ARNT2: variants seen among roughly 807,000 people sequenced by gnomAD.
ARNT2 encodes the protein aryl hydrocarbon receptor nuclear translocator 2.
ARNT2 carries 36 observed loss-of-function variants against 91.7 expected under a neutral mutation model. That is an observed-to-expected ratio of 0.39 (90% CI 0.30 to 0.52). The LOEUF (loss-of-function observed/expected upper bound fraction) is 0.52. Among genes scored for constraint, ARNT2 ranks in the 20% least tolerant of loss-of-function variants. The pLI, the probability that ARNT2 is intolerant of heterozygous loss-of-function variation, is 0.72. For missense variants in ARNT2, 775 were observed against 939.3 expected (o/e 0.83, Z 2.29); for synonymous variants, 365 against 347.1 (o/e 1.05, Z -0.57).
chr15:80,554,749 TA>T (rs1233314783), intron 10 of ARNT2: 1 of 226,324 alleles, frequency 4.4e-6, no homozygotes, highest in Non-Finnish European at 8.8e-6. Context: ...TTTATGTTAT[TA>T]AAGTATGTTT....
intron 1 of ARNT2, among the ~76,000 whole-genome samples, chr15:80,406,435 A>G (rs573501278): frequency 5.5e-4 from 84 of 152,384 alleles, no homozygotes; most frequent in African/African-American, 1.8e-3. Flanking sequence ...ATGTTATGAA[A>G]TTAGAAAAAG....
chr15:80,586,541 A>G (rs978308338), intron 17 of ARNT2, among the ~76,000 whole-genome samples: 1 of 152,170 alleles, frequency 6.6e-6, no homozygotes, highest in African/African-American at 2.4e-5. Flanking sequence ...CACCTAGCCC[A>G]TACTCACTTT....
chr15:80,582,405 AG>A (rs1473843255), intron 17 of ARNT2, among the ~76,000 whole-genome samples: 2 of 151,428 alleles, frequency 1.3e-5, no homozygotes, highest in Non-Finnish European at 1.5e-5. Flanking sequence ...CTAAGGTGGG[AG>A]GATCATTTGA....
intron 1 of ARNT2, among the ~76,000 whole-genome samples, chr15:80,433,434 C>T (rs1166265929): frequency 6.6e-6 from 1 of 151,758 alleles, no homozygotes; most frequent in African/African-American, 2.4e-5. Context: ...TACAGGTGCA[C>T]ACCACCACGC....
intron 5 of ARNT2, among the ~76,000 whole-genome samples, chr15:80,476,352 C>T (rs1281287406): frequency 6.6e-6 from 1 of 152,166 alleles, no homozygotes; most frequent in African/African-American, 2.4e-5. Flanking sequence ...CTAGGCACAA[C>T]CTTTCTATGT....
At chr15:80,548,524 T>C (rs1898027576) in intron 8 of ARNT2, among the ~76,000 whole-genome samples, 2 of 152,088 alleles carry the variant, frequency 1.3e-5, no homozygotes, top group Non-Finnish European at 2.9e-5. Flanking sequence ...ATATTACACC[T>C]GGAAAAGCCT....
At position 80,529,838 on chromosome 15, in the gene ARNT2, A is replaced by G. The variant is rs79591364; in HGVS notation, c.877+15433A>G. On this transcript the variant is annotated intron_variant, in intron 8 of 18. Coordinates refer to ENST00000303329, the MANE Select transcript of ARNT2 (RefSeq NM_014862.4). ...CTCCAAAATCTTGGAGAATTTCTCA[A>G]TCCAAATCTTCTATTCATGGTTACT... Among the ~76,000 whole-genome samples the G allele has an allele frequency of 6.0e-3, 910 of 152,322 alleles. 17 individuals are homozygous for G. The highest frequency in any genetic ancestry group is 0.021 in the African/African-American group (886 of 41,576).
At chr15:80,555,475 A>G (rs1192328903) in intron 11 of ARNT2, 1 of 254,016 alleles carries the variant, frequency 3.9e-6, no homozygotes, top group East Asian at 7.4e-5. Context: ...TGAGCATAGA[A>G]TAAATGAGTG....
intron 5 of ARNT2, among the ~76,000 whole-genome samples, chr15:80,485,400 A>T (rs1224272952): frequency 6.6e-6 from 1 of 152,208 alleles, no homozygotes; most frequent in Non-Finnish European, 1.5e-5. Context: ...AACTTGGTGC[A>T]AGACACTGTA....
chr15:80,426,017 C>T (rs1041170678), intron 1 of ARNT2, among the ~76,000 whole-genome samples: 4 of 149,404 alleles, frequency 2.7e-5, no homozygotes, highest in African/African-American at 1.0e-4. Context: ...GCTATGGTCT[C>T]GTCACTGCAC....
chr15:80,479,473 C>T (rs1047621231), intron 5 of ARNT2, among the ~76,000 whole-genome samples: 1 of 152,182 alleles, frequency 6.6e-6, no homozygotes, highest in African/African-American at 2.4e-5. Context: ...AATGACACTG[C>T]TAGTGGAAAA....
chr15:80,574,676 A>G (rs1244011886), intron 13 of ARNT2, among the ~76,000 whole-genome samples: 2 of 151,924 alleles, frequency 1.3e-5, no homozygotes, highest in East Asian at 1.9e-4. Context: ...CTATCTCCAC[A>G]TGATGTCCAC....
chr15:80,463,132 G>A (rs764529619), intron 3 of ARNT2, among the ~76,000 whole-genome samples: 19 of 152,200 alleles, frequency 1.2e-4, no homozygotes, highest in Admixed American at 2.6e-4. Context: ...TAGAGAGTGG[G>A]TTACTCTGTT....
At chr15:80,441,106 G>A (rs913109097) in intron 1 of ARNT2, 45 of 544,296 alleles carry the variant, frequency 8.3e-5, no homozygotes, top group Non-Finnish European at 9.1e-5. Context: ...GGTTTCATAG[G>A]AAATCCAAGT....
intron 2 of ARNT2, among the ~76,000 whole-genome samples, chr15:80,451,311 G>A (rs1896386217): frequency 1.3e-5 from 2 of 152,232 alleles, no homozygotes; most frequent in Non-Finnish European, 2.9e-5. Context: ...GCCAGATTTG[G>A]CAGCACTGCT....
chr15:80,571,420 T>G (rs985426795), intron 12 of ARNT2, among the ~76,000 whole-genome samples: 2 of 152,204 alleles, frequency 1.3e-5, no homozygotes, highest in Non-Finnish European at 2.9e-5. Flanking sequence ...AATCTAGTCT[T>G]GCTCAGTCTT....
At chr15:80,471,504 C>T (rs1003850585) in intron 4 of ARNT2, among the ~76,000 whole-genome samples, 24 of 151,992 alleles carry the variant, frequency 1.6e-4, no homozygotes, top group Admixed American at 8.5e-4. Flanking sequence ...CTTGGCAGTA[C>T]GTAACAAACC....
chr15:80,557,084 C>T (rs988555056), intron 11 of ARNT2, among the ~76,000 whole-genome samples: 1 of 152,100 alleles, frequency 6.6e-6, no homozygotes, highest in Non-Finnish European at 1.5e-5. Context: ...TCTCTGACCG[C>T]CAAGCCTTCC....
intron 12 of ARNT2, among the ~76,000 whole-genome samples, chr15:80,572,124 A>T (rs927507114): frequency 2.7e-5 from 4 of 145,996 alleles, no homozygotes; most frequent in African/African-American, 2.5e-5. Context: ...AAAGGGAATT[A>T]AAAAAAAAAA....
Sources: allele counts gnomAD v4.1 joint callset (sites outside exome capture counted in the v4.1 genomes callset), GRCh38; gene constraint gnomAD v4.1.1; transcripts MANE v1.5; gene names NCBI Gene and HGNC (gene_info 2026-07-23, HGNC 2026-07-21).